ERG: variants seen among roughly 807,000 people sequenced by gnomAD.
ERG encodes ETS transcription factor ERG.
A neutral mutation model predicts 55.3 loss-of-function variants in ERG; 9 were observed. The ratio of observed to expected loss-of-function variants is 0.16; its 90% CI spans 0.10 to 0.28. The LOEUF (loss-of-function observed/expected upper bound fraction) is 0.28, where lower values mean the gene tolerates loss of function less well. Among genes scored for constraint, ERG ranks in the 10% least tolerant of loss-of-function variants. The pLI is 1.00. For missense variants in ERG, 434 were observed against 631.6 expected (o/e 0.69, Z 3.35); for synonymous variants, 223 against 237.3 (o/e 0.94, Z 0.55).
chr21:38,427,614 C>T (rs1365306337), intron 2 of ERG, among the ~76,000 whole-genome samples: 1 of 152,112 alleles, frequency 6.6e-6, no homozygotes, highest in Non-Finnish European at 1.5e-5. Context: ...GCTTCTTAAC[C>T]CTGAACAGAA....
At chr21:38,575,885 C>T (rs1371268520) in intron 1 of ERG, 2 of 665,590 alleles carry the variant, frequency 3.0e-6, no homozygotes, top group African/African-American at 1.8e-5. Context: ...TAAAGGCATC[C>T]TCTAGGTACG....
upstream of ERG, among the ~76,000 whole-genome samples, chr21:38,503,085 G>A (rs2059433328): frequency 6.6e-6 from 1 of 152,140 alleles, no homozygotes. Context: ...TAAAAATATT[G>A]ACAGCTATAT....
At chr21:38,508,902 G>A (rs1189734507) in intron 2 of ERG, among the ~76,000 whole-genome samples, 3 of 152,138 alleles carry the variant, frequency 2.0e-5, no homozygotes, top group Non-Finnish European at 4.4e-5. Flanking sequence ...TGATTTTCTT[G>A]GGAACAGCCA....
Position 38,637,865 on chromosome 21 carries a change from T to A in ERG, c.-150+23793A>T, listed in dbSNP as rs551884206. 1.8e-4 allele frequency among the ~76,000 whole-genome samples: 28 copies of A among 152,132 alleles called. No individual in the cohort carries two copies. In the East Asian group the frequency reaches 5.4e-3, roughly 29 times the overall value. ...CATGTGTATGTATGCAAGTGTGTGT[T>A]CCAACAGGGGTTCCCACTTGCCCAT... On this transcript the variant is annotated intron_variant, in intron 1 of 10. Transcript: ENST00000398910.
chr21:38,633,854 A>G (rs1188805211), intron 1 of ERG, among the ~76,000 whole-genome samples: 1 of 147,180 alleles, frequency 6.8e-6, no homozygotes, highest in Non-Finnish European at 1.5e-5. Context: ...AATGAGAGGG[A>G]TGTAGATTGG....
intron 1 of ERG, among the ~76,000 whole-genome samples, chr21:38,477,007 C>T (rs1325813888): frequency 1.1e-4 from 9 of 84,166 alleles, no homozygotes; most frequent in Admixed American, 3.6e-4. Context: ...TCTTTCTTTC[C>T]TTTTTTTTTT....
intron 2 of ERG, among the ~76,000 whole-genome samples, chr21:38,529,528 G>A (rs1048063493): frequency 6.6e-6 from 1 of 152,208 alleles, no homozygotes; most frequent in African/African-American, 2.4e-5. Context: ...GATGGGTAAT[G>A]CTAGGGAAGG....
intron 2 of ERG, among the ~76,000 whole-genome samples, chr21:38,510,497 A>C (rs2059503173): frequency 6.6e-6 from 1 of 152,196 alleles, no homozygotes; most frequent in Non-Finnish European, 1.5e-5. Context: ...CCCTTAACTC[A>C]AGAGGTTTTG....
chr21:38,550,944 T>C (rs557736452), intron 2 of ERG, among the ~76,000 whole-genome samples: 7 of 152,352 alleles, frequency 4.6e-5, no homozygotes, highest in Non-Finnish European at 8.8e-5. Flanking sequence ...CAAACCTTTG[T>C]ACACAAAAGA....
chr21:38,507,534 GTGAATGAA>G (rs111369699), intron 2 of ERG, among the ~76,000 whole-genome samples: 42 of 150,282 alleles, frequency 2.8e-4, no homozygotes, highest in African/African-American at 9.6e-4. Flanking sequence ...TACTGAATGA[GTGAATGAA>G]TGAATGAATG....
intron 2 of ERG, among the ~76,000 whole-genome samples, chr21:38,545,264 T>C (rs2059780896): frequency 6.6e-6 from 1 of 152,164 alleles, no homozygotes; most frequent in African/African-American, 2.4e-5. Flanking sequence ...AACGAAGCCA[T>C]AAAATGTAAG....
At chr21:38,443,193 A>T (rs1029390941) in intron 2 of ERG, among the ~76,000 whole-genome samples, 1 of 152,100 alleles carries the variant, frequency 6.6e-6, no homozygotes, top group Non-Finnish European at 1.5e-5. Context: ...TCGCCTCCTC[A>T]CTCAGTCTCC....
chr21:38,487,420 CA>C (rs2146666649), intron 1 of ERG, among the ~76,000 whole-genome samples: 1 of 152,106 alleles, frequency 6.6e-6, no homozygotes, highest in African/African-American at 2.4e-5. Flanking sequence ...ATATATTATT[CA>C]ATGGAGATAC....
At chr21:38,631,170 T>C (rs766159524) in intron 1 of ERG, among the ~76,000 whole-genome samples, 1 of 152,174 alleles carries the variant, frequency 6.6e-6, no homozygotes, top group Non-Finnish European at 1.5e-5. Flanking sequence ...CCTCTTCCAA[T>C]TCCTTCAACT....
intron 2 of ERG, among the ~76,000 whole-genome samples, chr21:38,437,185 C>T (rs770328661): frequency 4.6e-5 from 7 of 152,144 alleles, no homozygotes; most frequent in African/African-American, 7.2e-5. Flanking sequence ...CACCTGCACC[C>T]GGCCAGCTTC....
chr21:38,499,759 G>A (rs1025759931), upstream of ERG, among the ~76,000 whole-genome samples: 12 of 150,744 alleles, frequency 8.0e-5, no homozygotes, highest in South Asian at 2.1e-4. Context: ...GGAGGAGGAG[G>A]AGGGAGGGAA....
chr21:38,515,313 T>G (rs932999973), intron 2 of ERG, among the ~76,000 whole-genome samples: 53 of 151,958 alleles, frequency 3.5e-4, no homozygotes, highest in African/African-American at 1.2e-3. Flanking sequence ...TATTACAAAC[T>G]GGAAAACCTA....
At chr21:38,400,550 G>C (rs773469690) in intron 6 of ERG, 24 bp downstream of exon 6, 2 of 1,575,966 alleles carry the variant, frequency 1.3e-6, no homozygotes, top group South Asian at 1.1e-5. Flanking sequence ...TCAATGAAGA[G>C]ATCACACAGG....
At chr21:38,406,171 A>AAAAAAAAAAAAAAAAAAAC (rs1988762122) in intron 3 of ERG, among the ~76,000 whole-genome samples, 1 of 150,654 alleles carries the variant, frequency 6.6e-6, no homozygotes, top group East Asian at 2.0e-4. Flanking sequence ...AAAAAAAAAA[A>AAAAAAAAAAAAAAAAAAAC]AAAATCATCA....
Sources: gnomAD v4.1 joint callset for allele counts (sites outside exome capture counted in the v4.1 genomes callset) on GRCh38, gnomAD v4.1.1 for gene constraint, MANE v1.5 for transcripts, NCBI Gene and HGNC (gene_info 2026-07-23, HGNC 2026-07-21) for gene names.